AGBL1: variants seen among roughly 807,000 people sequenced by gnomAD.
The protein encoded by AGBL1 is cytosolic carboxypeptidase 4.
Under a neutral mutation model 118.9 loss-of-function variants are expected in AGBL1, and 130 were observed. The observed-to-expected ratio is 1.09, with a 90% CI of 0.95 to 1.26. The LOEUF is 1.26. Ranked by LOEUF, AGBL1 falls within the 50% of genes most tolerant of loss-of-function variation. The pLI, the probability that AGBL1 is intolerant of heterozygous loss-of-function variation, is 0.00. For synonymous variants in AGBL1, 555 were observed against 478.9 expected, an observed-to-expected ratio of 1.16 and a Z score of -2.08; for missense variants, 1,584 against 1,298.1, an observed-to-expected ratio of 1.22 and a Z score of -3.38.
intron 16 of AGBL1, among the ~76,000 whole-genome samples, chr15:86,290,397 A>T (rs2079525878): frequency 7.2e-6 from 1 of 139,180 alleles, no homozygotes; most frequent in African/African-American, 2.7e-5. Context: ...GTCACCCAGG[A>T]TGGAGTGCAG....
At chr15:86,540,954 C>G (rs781106794) in intron 19 of AGBL1, among the ~76,000 whole-genome samples, 20 of 152,084 alleles carry the variant, frequency 1.3e-4, no homozygotes, top group Non-Finnish European at 2.4e-4. Context: ...CTGTAAGGAT[C>G]AGGGAAGGAA....
chr15:86,820,255 C>A (rs993874563), intron 22 of AGBL1, among the ~76,000 whole-genome samples: 2 of 152,120 alleles, frequency 1.3e-5, no homozygotes, highest in Non-Finnish European at 2.9e-5. Flanking sequence ...GACTAAAACA[C>A]CAAAAGCAAT....
chr15:86,745,029 G>A (rs574889801), intron 22 of AGBL1, among the ~76,000 whole-genome samples: 5 of 152,180 alleles, frequency 3.3e-5, no homozygotes, highest in African/African-American at 1.2e-4. Flanking sequence ...GGACCACTGG[G>A]GGAAGACAAG....
intron 22 of AGBL1, among the ~76,000 whole-genome samples, chr15:86,870,331 ATGAG>A (rs74267199): frequency 0.17 from 25,830 of 151,790 alleles, 2,577 homozygotes; most frequent in Non-Finnish European, 0.22. Flanking sequence ...AGGTCAAATA[ATGAG>A]TAAGTGGCAA....
intron 22 of AGBL1, among the ~76,000 whole-genome samples, chr15:86,681,353 T>C (rs1276998483): frequency 1.3e-5 from 2 of 152,208 alleles, no homozygotes; most frequent in Non-Finnish European, 2.9e-5. Flanking sequence ...ATGTTTGTAC[T>C]ATTGCCAGCT....
chr15:86,490,291 T>G (rs568505843), intron 18 of AGBL1, among the ~76,000 whole-genome samples: 75 of 152,224 alleles, frequency 4.9e-4, no homozygotes, highest in African/African-American at 1.7e-3. Flanking sequence ...TCTGAGAGCT[T>G]AATTTTTCCC....
intron 22 of AGBL1, among the ~76,000 whole-genome samples, chr15:86,678,175 A>G (rs997530296): frequency 4.6e-5 from 7 of 152,178 alleles, no homozygotes; most frequent in Non-Finnish European, 1.0e-4. Flanking sequence ...AGAATGTTAT[A>G]TATTGTCATT....
chr15:87,004,385 A>C (rs1715461433), intron 24 of AGBL1, among the ~76,000 whole-genome samples: 1 of 152,160 alleles, frequency 6.6e-6, no homozygotes, highest in South Asian at 2.1e-4. Flanking sequence ...TAGTGGGTGC[A>C]TATATATTTA....
intron 21 of AGBL1, among the ~76,000 whole-genome samples, chr15:86,623,595 T>C (rs1050809284): frequency 2.0e-5 from 3 of 152,224 alleles, no homozygotes; most frequent in African/African-American, 7.2e-5. Context: ...CTTTATTTTA[T>C]TTTTGTTATC....
chr15:86,796,317 C>A (rs1398482294), intron 22 of AGBL1, among the ~76,000 whole-genome samples: 1 of 152,176 alleles, frequency 6.6e-6, no homozygotes, highest in African/African-American at 2.4e-5. Context: ...TACACTCTGT[C>A]CTTTCATTTC....
At chr15:86,270,386 C>T (rs2079140275) in intron 14 of AGBL1, among the ~76,000 whole-genome samples, 3 of 152,152 alleles carry the variant, frequency 2.0e-5, no homozygotes, top group Non-Finnish European at 2.9e-5. Flanking sequence ...GGAGCAAATG[C>T]TTTGACCTGC....
At chr15:86,862,895 G>A (rs1253599209) in intron 22 of AGBL1, among the ~76,000 whole-genome samples, 1 of 152,202 alleles carries the variant, frequency 6.6e-6, no homozygotes, top group Non-Finnish European at 1.5e-5. Context: ...ACTATGTAAG[G>A]AAAAGAGTCC....
chr15:86,762,469 T>A (rs1267884505), intron 22 of AGBL1, among the ~76,000 whole-genome samples: 1 of 151,996 alleles, frequency 6.6e-6, no homozygotes, highest in Admixed American at 6.6e-5. Context: ...AATATCCCAA[T>A]AGACTTTGAG....
intron 7 of AGBL1, among the ~76,000 whole-genome samples, chr15:86,255,574 G>A (rs1239763744): frequency 6.6e-6 from 1 of 152,186 alleles, no homozygotes; most frequent in Non-Finnish European, 1.5e-5. Flanking sequence ...CCTGAGGTCA[G>A]GAGTTTGATA....
At chr15:86,314,761 C>T (rs1369945670) in intron 17 of AGBL1, among the ~76,000 whole-genome samples, 1 of 152,130 alleles carries the variant, frequency 6.6e-6, no homozygotes, top group Non-Finnish European at 1.5e-5. Flanking sequence ...ACTCAGAAAC[C>T]AGCCGTGTAG....
intron 24 of AGBL1, chr15:86,988,119 G>T (rs771686152): frequency 3.1e-6 from 5 of 1,606,814 alleles, no homozygotes; most frequent in Non-Finnish European, 2.6e-6. Flanking sequence ...ATTGTACATT[G>T]CTTGGGGCGG....
intron 18 of AGBL1, among the ~76,000 whole-genome samples, chr15:86,464,347 G>A (rs771097966): frequency 3.3e-5 from 5 of 152,118 alleles, no homozygotes; most frequent in Admixed American, 6.5e-5. Flanking sequence ...GGGCTAAGAC[G>A]ATGGGGTTTT....
chr15:86,704,642 G>T (rs1596386701), intron 22 of AGBL1, among the ~76,000 whole-genome samples: 1 of 152,140 alleles, frequency 6.6e-6, no homozygotes, highest in Admixed American at 6.5e-5. Flanking sequence ...AACAGATGCT[G>T]GTAGGCTGTG....
intron 1 of AGBL1, among the ~76,000 whole-genome samples, chr15:86,135,048 A>T (rs2076871112): frequency 6.6e-6 from 1 of 152,138 alleles, no homozygotes; most frequent in African/African-American, 2.4e-5. Flanking sequence ...GGGGCCTTGC[A>T]CAGAGTAGGC....
Sources: gnomAD v4.1 joint callset for allele counts (sites outside exome capture counted in the v4.1 genomes callset) on GRCh38, gnomAD v4.1.1 for gene constraint, MANE v1.5 for transcripts, NCBI Gene and HGNC (gene_info 2026-07-23, HGNC 2026-07-21) for gene names.